The following TXLNB variants were observed in gnomAD, a reference collection of about 807,000 sequenced individuals.
The protein encoded by TXLNB is beta-taxilin.
Under a neutral mutation model 57.4 loss-of-function variants are expected in TXLNB, and 37 were observed. The observed-to-expected ratio is 0.64, with a 90% CI of 0.50 to 0.85. The LOEUF is 0.85. Ranked by LOEUF, TXLNB falls within the 40% of genes least tolerant of loss-of-function variation. TXLNB has a pLI of 0.00. For synonymous variants in TXLNB, 302 were observed against 309.6 expected, an observed-to-expected ratio of 0.98 and a Z score of 0.26; for missense variants, 848 against 825.6, an observed-to-expected ratio of 1.03 and a Z score of -0.33.
At chr6:139,313,960 G>A in the TXLNB span, among the ~76,000 whole-genome samples, 1 of 152,104 alleles carries the variant, frequency 6.6e-6, no homozygotes, top group African/African-American at 2.4e-5. Context: ...CAGCCGACCA[G>A]CATTAACATG....
At chr6:139,305,083 G>C in the TXLNB span, among the ~76,000 whole-genome samples, 3 of 152,116 alleles carry the variant, frequency 2.0e-5, no homozygotes, top group Non-Finnish European at 4.4e-5. Context: ...TCATAATCAT[G>C]AATTCAACGT....
At chr6:139,262,507 A>C in intron 5 of TXLNB, 72 bp downstream of exon 5, 2 of 1,365,938 alleles carry the variant, frequency 1.5e-6, no homozygotes, top group Non-Finnish European at 2.0e-6. Flanking sequence ...CTGTCTTATT[A>C]ACCAAGTTCC....
the TXLNB span, among the ~76,000 whole-genome samples, chr6:139,321,442 C>G: frequency 5.3e-5 from 8 of 152,156 alleles, no homozygotes; most frequent in African/African-American, 1.4e-4. Context: ...TTGGGTCTCC[C>G]GGCCTCCAGA....
chr6:139,221,232 A>G, the TXLNB span, among the ~76,000 whole-genome samples: 7 of 152,162 alleles, frequency 4.6e-5, no homozygotes, highest in African/African-American at 1.7e-4. Flanking sequence ...CAAAAATTGG[A>G]TTTTAGAGCT....
chr6:139,316,846 G>C, the TXLNB span, among the ~76,000 whole-genome samples: 2 of 152,294 alleles, frequency 1.3e-5, no homozygotes, highest in East Asian at 3.9e-4. Flanking sequence ...AGTGGCCCAG[G>C]TGAGAGGAAA....
chr6:139,174,139 A>G, the TXLNB span, among the ~76,000 whole-genome samples: 1 of 152,216 alleles, frequency 6.6e-6, no homozygotes, highest in African/African-American at 2.4e-5. Context: ...CCCTTTTTGG[A>G]AAAGTGAATT....
chr6:139,273,310 G>A (rs779650644), intron 3 of TXLNB, among the ~76,000 whole-genome samples: 3 of 152,132 alleles, frequency 2.0e-5, no homozygotes, highest in Non-Finnish European at 4.4e-5. Context: ...GCCTATTGTC[G>A]CCTGGTGAAC....
chr6:139,167,894 A>G, the TXLNB span, among the ~76,000 whole-genome samples: 22 of 152,168 alleles, frequency 1.4e-4, no homozygotes, highest in Admixed American at 3.3e-4. Flanking sequence ...GATGGCATAT[A>G]AGGATTTGGT....
At chr6:139,208,668 TA>T in the TXLNB span, among the ~76,000 whole-genome samples, 1 of 152,146 alleles carries the variant, frequency 6.6e-6, no homozygotes. Flanking sequence ...ATATATCACA[TA>T]AACACAATTA....
At position 139,242,963 on chromosome 6, in the gene TXLNB, C is replaced by A; in HGVS notation, c.1618G>T (p.Glu540Ter). Reference sequence around the variant, plus strand: ...GGGATCAGAGGGGGTTGCTCTGGCTCCTTGAGAGCGGCGTCAGCACTCTCC... The same window carrying A: ...GGGATCAGAGGGGGTTGCTCTGGCTACTTGAGAGCGGCGTCAGCACTCTCC... ...SQESADAALK[E>*]PEQPPLIPSR... The change falls in exon 10 of 10, where the codon GAG becomes TAG. Residue 540 changes from glutamate to a stop codon, truncating the protein, a stop_gained. Coordinates refer to ENST00000358430, the MANE Select transcript of TXLNB (RefSeq NM_153235.4). LOFTEE classifies it low-confidence loss of function (END_TRUNC). 1 of 1,614,118 alleles carries A rather than the reference C, an allele frequency of 6.2e-7. No homozygotes were observed. The highest frequency in any genetic ancestry group is 8.5e-7 in the Non-Finnish European group (1 of 1,180,030).
chr6:139,185,865 C>T, the TXLNB span, among the ~76,000 whole-genome samples: 1 of 152,188 alleles, frequency 6.6e-6, no homozygotes, highest in Non-Finnish European at 1.5e-5. Context: ...ACCTGCCTAT[C>T]TCTCTCTTTC....
Position 139,272,163 on chromosome 6 carries a change from C to T in TXLNB, c.517-1537G>A, listed in dbSNP as rs146609230. On this transcript the variant is annotated intron_variant, in intron 3 of 9. Coordinates refer to ENST00000358430, the MANE Select transcript of TXLNB (RefSeq NM_153235.4). ...CTCTACTAAAAATACATAAATTAGC[C>T]GGGCGTGGTGGTATGCACCTGTAAT... Among the ~76,000 whole-genome samples the T allele has an allele frequency of 5.8e-3, 880 of 151,960 alleles. 7 individuals carry two copies. Among genetic ancestry groups the T allele is most frequent in the African/African-American group, 0.019 (804 of 41,428 alleles).
the TXLNB span, among the ~76,000 whole-genome samples, chr6:139,315,025 C>T: frequency 1.3e-5 from 2 of 152,050 alleles, no homozygotes; most frequent in Admixed American, 1.3e-4. Flanking sequence ...AAGTCTGAAC[C>T]CCCCAAATTG....
chr6:139,299,296 C>A, the TXLNB span, among the ~76,000 whole-genome samples: 11 of 152,184 alleles, frequency 7.2e-5, no homozygotes, highest in African/African-American at 2.2e-4. Flanking sequence ...TCATGTCACC[C>A]TTTTTGTGGC....
At chr6:139,233,300 G>A in the TXLNB span, among the ~76,000 whole-genome samples, 1 of 149,310 alleles carries the variant, frequency 6.7e-6, no homozygotes, top group East Asian at 1.9e-4. Flanking sequence ...TTTTCTGAAT[G>A]TTTATTATGT....
At chr6:139,245,450 A>G (rs1776045647) in intron 8 of TXLNB, 1 of 152,166 alleles carries the variant, frequency 6.6e-6, no homozygotes, top group African/African-American at 2.4e-5. Context: ...GGCTACTCAC[A>G]TTCTTGTTTG....
chr6:139,208,815 C>G, the TXLNB span, among the ~76,000 whole-genome samples: 1 of 152,140 alleles, frequency 6.6e-6, no homozygotes, highest in East Asian at 1.9e-4. Context: ...CCATATGTGA[C>G]AACCCACAGC....
At chr6:139,217,840 G>T in the TXLNB span, among the ~76,000 whole-genome samples, 1 of 135,790 alleles carries the variant, frequency 7.4e-6, no homozygotes. Flanking sequence ...CTGCACTCCA[G>T]CCTGGGCGAC....
chr6:139,212,020 A>T, the TXLNB span, among the ~76,000 whole-genome samples: 1 of 152,248 alleles, frequency 6.6e-6, no homozygotes, highest in Non-Finnish European at 1.5e-5. Context: ...CCTGAAAGTG[A>T]CAGGGAGAAT....
Sources: allele counts gnomAD v4.1 joint callset (sites outside exome capture counted in the v4.1 genomes callset), GRCh38; gene constraint gnomAD v4.1.1; transcripts MANE v1.5; gene names NCBI Gene and HGNC (gene_info 2026-07-23, HGNC 2026-07-21).